The following PTPRD variants were observed in gnomAD, a reference collection of about 807,000 sequenced individuals.
PTPRD encodes the protein protein tyrosine phosphatase receptor type D.
In PTPRD, 34 loss-of-function variants were observed where a neutral mutation model predicts 214.5. That is an observed-to-expected ratio of 0.16 (90% CI 0.12 to 0.21). The LOEUF is 0.21. Among genes scored for constraint, PTPRD ranks in the 10% least tolerant of loss-of-function variants. The probability of loss-of-function intolerance (pLI) is 1.00; values close to 1 mark genes in which losing one functional copy is unlikely to be tolerated. For missense variants in PTPRD, 2,545 were observed against 2,398.7 expected, an observed-to-expected ratio of 1.06 and a Z score of -1.27; for synonymous variants, 1,128 against 845.7, an observed-to-expected ratio of 1.33 and a Z score of -5.79.
intron 8 of PTPRD, among the ~76,000 whole-genome samples, chr9:9,476,511 A>T (rs1400885460): frequency 6.6e-6 from 1 of 152,204 alleles, no homozygotes; most frequent in African/African-American, 2.4e-5. Flanking sequence ...GTCAGTTTAC[A>T]CATTTGTCTT....
intron 12 of PTPRD, among the ~76,000 whole-genome samples, chr9:8,692,384 G>C (rs923784627): frequency 3.9e-5 from 6 of 151,996 alleles, no homozygotes; most frequent in African/African-American, 1.5e-4. Flanking sequence ...TCTTCCATTG[G>C]ACCTCCTGTC....
intron 3 of PTPRD, among the ~76,000 whole-genome samples, chr9:10,162,679 GTATATATGTGTATA>G (rs2099135017): frequency 7.0e-6 from 1 of 143,324 alleles, no homozygotes; most frequent in African/African-American, 2.6e-5. Context: ...GTATATACAT[GTATATATGTGTATA>G]TATATACATA....
intron 5 of PTPRD, among the ~76,000 whole-genome samples, chr9:9,918,264 G>C (rs1254525657): frequency 1.4e-5 from 2 of 145,932 alleles, no homozygotes; most frequent in East Asian, 4.1e-4. Context: ...AAATGAACTA[G>C]CTGAAAAAGT....
intron 10 of PTPRD, among the ~76,000 whole-genome samples, chr9:9,114,810 T>A (rs1168426815): frequency 6.6e-6 from 1 of 152,072 alleles, no homozygotes; most frequent in Non-Finnish European, 1.5e-5. Context: ...TTCGTATGCA[T>A]CTATGGGCCT....
intron 11 of PTPRD, among the ~76,000 whole-genome samples, chr9:8,828,117 G>A (rs961835155): frequency 2.6e-5 from 4 of 152,180 alleles, no homozygotes; most frequent in African/African-American, 9.7e-5. Flanking sequence ...CAATGATTAT[G>A]AAGTACACAG....
chr9:8,471,122 G>T (rs374248876), intron 30 of PTPRD, 37 bp from the exon 31 acceptor site: 1 of 1,568,760 alleles, frequency 6.4e-7, no homozygotes, highest in African/African-American at 1.4e-5. Context: ...TAGGTTAGTT[G>T]AAAGGAGGAA....
intron 12 of PTPRD, among the ~76,000 whole-genome samples, chr9:8,686,303 G>C (rs1565273538): frequency 1.3e-5 from 2 of 152,184 alleles, no homozygotes; most frequent in Non-Finnish European, 2.9e-5. Context: ...GGAGAATTCA[G>C]ATTTGAACAC....
At chr9:10,591,450 C>T (rs1441130024) in intron 2 of PTPRD, among the ~76,000 whole-genome samples, 1 of 151,940 alleles carries the variant, frequency 6.6e-6, no homozygotes, top group Non-Finnish European at 1.5e-5. Context: ...GAGATGTGAA[C>T]ACAGGATGAA....
chr9:9,118,991 A>G (rs2099814980), intron 10 of PTPRD, among the ~76,000 whole-genome samples: 1 of 152,182 alleles, frequency 6.6e-6, no homozygotes, highest in South Asian at 2.1e-4. Context: ...TTATTCACCT[A>G]AAAATATACT....
chr9:8,726,421 T>G (rs551288160), intron 12 of PTPRD, among the ~76,000 whole-genome samples: 1 of 149,984 alleles, frequency 6.7e-6, no homozygotes, highest in African/African-American at 2.5e-5. Flanking sequence ...AAACCATCTC[T>G]ACAAAAAAAT....
chr9:8,334,045 C>T (rs1303374099), intron 43 of PTPRD, among the ~76,000 whole-genome samples: 1 of 152,116 alleles, frequency 6.6e-6, no homozygotes, highest in African/African-American at 2.4e-5. Flanking sequence ...AAAGCAAGTT[C>T]TTAGATACCT....
chr9:10,043,786 T>C (rs1205949630), intron 3 of PTPRD, among the ~76,000 whole-genome samples: 1 of 151,840 alleles, frequency 6.6e-6, no homozygotes, highest in African/African-American at 2.4e-5. Flanking sequence ...TCATGTAGGA[T>C]CTACCTGCAC....
chr9:9,996,308 G>T (rs1392274925), intron 4 of PTPRD, among the ~76,000 whole-genome samples: 3 of 152,132 alleles, frequency 2.0e-5, no homozygotes, highest in African/African-American at 7.2e-5. Flanking sequence ...AAGCCTCTCA[G>T]AAGACAAAAT....
At chr9:9,735,604 T>C (rs948920107) in intron 6 of PTPRD, among the ~76,000 whole-genome samples, 8 of 152,104 alleles carry the variant, frequency 5.3e-5, no homozygotes, top group African/African-American at 1.7e-4. Flanking sequence ...TAACAAATCA[T>C]CCCGAAGGAA....
At chr9:9,996,685 G>C (rs2096133048) in intron 4 of PTPRD, among the ~76,000 whole-genome samples, 1 of 152,158 alleles carries the variant, frequency 6.6e-6, no homozygotes, top group African/African-American at 2.4e-5. Context: ...TTAATTCAAA[G>C]CATTTAAGGT....
At chr9:9,151,331 T>A (rs2099876562) in intron 10 of PTPRD, among the ~76,000 whole-genome samples, 1 of 152,170 alleles carries the variant, frequency 6.6e-6, no homozygotes, top group Non-Finnish European at 1.5e-5. Flanking sequence ...GCTTCCCAGG[T>A]TTCCCAGATC....
chr9:10,488,746 G>A (rs555120588), intron 2 of PTPRD, among the ~76,000 whole-genome samples: 2 of 152,054 alleles, frequency 1.3e-5, no homozygotes, highest in Non-Finnish European at 2.9e-5. Context: ...GCCACCACAG[G>A]CCCATGGGGA....
intron 6 of PTPRD, among the ~76,000 whole-genome samples, chr9:9,759,612 T>C (rs1238711599): frequency 4.7e-5 from 7 of 147,988 alleles, no homozygotes; most frequent in Non-Finnish European, 8.9e-5. Context: ...GGCTGAAGTG[T>C]AGTGACGCGA....
At chr9:9,079,154 G>C (rs746482899) in intron 10 of PTPRD, among the ~76,000 whole-genome samples, 161 of 152,008 alleles carry the variant, frequency 1.1e-3, no homozygotes, top group Middle Eastern at 3.4e-3. Context: ...ACTTATTCTT[G>C]CTATCTAGAT....
Sources: allele counts gnomAD v4.1 joint callset (sites outside exome capture counted in the v4.1 genomes callset), GRCh38; gene constraint gnomAD v4.1.1; transcripts MANE v1.5; gene names NCBI Gene and HGNC (gene_info 2026-07-23, HGNC 2026-07-21).